Variants in C1QTNF1 observed in about 807,000 individuals in gnomAD.
The protein encoded by C1QTNF1 is C1q and TNF related 1, also known as complement C1q tumor necrosis factor-related protein 1.
A neutral mutation model predicts 27.8 loss-of-function variants in C1QTNF1; 22 were observed. That is an observed-to-expected ratio of 0.79 (90% confidence interval 0.56 to 1.13). The LOEUF is 1.13. C1QTNF1 is among the 50% of genes most tolerant of loss of function. The pLI is 0.00. For missense variants in C1QTNF1, 373 were observed against 380.2 expected, an observed-to-expected ratio of 0.98 and a Z score of 0.16; for synonymous variants, 166 against 154.3, an observed-to-expected ratio of 1.08 and a Z score of -0.56.
chr17:79,029,843 A>G (rs1296366505), intron 1 of C1QTNF1, among the ~76,000 whole-genome samples: 2 of 152,122 alleles, frequency 1.3e-5, no homozygotes, highest in East Asian at 3.9e-4. Flanking sequence ...GTCCTAACAC[A>G]TCCCATACCA....
chr17:79,029,336 C>G (rs561779216), intron 1 of C1QTNF1, among the ~76,000 whole-genome samples: 5 of 152,212 alleles, frequency 3.3e-5, no homozygotes, highest in Non-Finnish European at 7.3e-5. Flanking sequence ...GTCGGACACA[C>G]CTAGGTCTAA....
chr17:79,030,471 C>CTT (rs1555669976), intron 1 of C1QTNF1, among the ~76,000 whole-genome samples: 2 of 109,928 alleles, frequency 1.8e-5, no homozygotes, highest in Admixed American at 9.2e-5. Flanking sequence ...TTCTTTCTTT[C>CTT]TTTCTTTCTT....
At chr17:79,040,424 C>T (rs2072373561) in intron 1 of C1QTNF1, among the ~76,000 whole-genome samples, 2 of 151,530 alleles carry the variant, frequency 1.3e-5, no homozygotes, top group African/African-American at 4.8e-5. Flanking sequence ...AGAGTGAGAC[C>T]CTGTATCAAA....
intron 1 of C1QTNF1, chr17:79,043,400 T>C (rs1013407478): frequency 1.8e-4 from 81 of 451,378 alleles, no homozygotes; most frequent in Middle Eastern, 6.9e-4. Context: ...TGTATGTGCA[T>C]GTGAGTGTGA....
At chr17:79,042,177 A>G (rs1312408127) in intron 1 of C1QTNF1, among the ~76,000 whole-genome samples, 1 of 152,200 alleles carries the variant, frequency 6.6e-6, no homozygotes, top group East Asian at 1.9e-4. Context: ...GAGGGGTTAG[A>G]GTTGACCACA....
At chr17:79,035,325 G>A (rs1386071966) in intron 1 of C1QTNF1, among the ~76,000 whole-genome samples, 1 of 152,096 alleles carries the variant, frequency 6.6e-6, no homozygotes, top group East Asian at 1.9e-4. Context: ...GGAGGATTCT[G>A]GGGATGTTCC....
chr17:79,046,172 T>A lies in C1QTNF1; in HGVS notation c.156-383T>A, dbSNP rs1470076352. Among the ~76,000 whole-genome samples, 1 of 152,054 alleles carries A rather than the reference T, an allele frequency of 6.6e-6. No homozygotes were observed. The highest frequency in any genetic ancestry group is 1.5e-5 in the Non-Finnish European group (1 of 68,026). ...TAAAGATCCAGTTGAACCTTCTTAT[T>A]TGCAGACGAGTCAGCTTCATATGTT... On this transcript the variant is annotated intron_variant, in intron 2 of 3. Transcript: ENST00000579760. This position sits in a 1 kb window ranked among gnomAD's most constrained non-coding sequence, Gnocchi z 4.8.
intron 1 of C1QTNF1, among the ~76,000 whole-genome samples, chr17:79,025,226 T>C (rs116884050): frequency 0.075 from 11,405 of 152,238 alleles, 519 homozygotes; most frequent in Middle Eastern, 0.14. Flanking sequence ...CAGCCCTCCA[T>C]GGCTTCTCCA....
At chr17:79,044,568 T>C (rs2889531) in intron 2 of C1QTNF1, among the ~76,000 whole-genome samples, 58,934 of 152,054 alleles carry the variant, frequency 0.39, 12,732 homozygotes, top group East Asian at 0.69. Flanking sequence ...CCACGCGTCT[T>C]ATCACACTGC....
intron 1 of C1QTNF1, among the ~76,000 whole-genome samples, chr17:79,040,193 C>T (rs527472579): frequency 1.2e-4 from 18 of 152,274 alleles, no homozygotes; most frequent in Middle Eastern, 3.4e-3. Flanking sequence ...AAAATTATGG[C>T]GCCCACCTAT....
chr17:79,026,151 G>A (rs2377006), intron 1 of C1QTNF1, among the ~76,000 whole-genome samples: 4,432 of 151,758 alleles, frequency 0.029, 94 homozygotes, highest in Non-Finnish European at 0.042. Flanking sequence ...TCCCAAGTGC[G>A]TCATATGCTT....
At chr17:79,035,326 G>A (rs1382044442) in intron 1 of C1QTNF1, among the ~76,000 whole-genome samples, 1 of 152,096 alleles carries the variant, frequency 6.6e-6, no homozygotes, top group Admixed American at 6.5e-5. Context: ...GAGGATTCTG[G>A]GGATGTTCCA....
rs915866341 is a variant in C1QTNF1, at chr17:79,046,317, T to C, written c.156-238T>C. 2.0e-5 allele frequency among the ~76,000 whole-genome samples: 3 copies of C among 152,188 alleles called. No homozygotes were observed. The highest frequency in any genetic ancestry group is 4.4e-5 in the Non-Finnish European group (3 of 68,022). ...GCCCCCATCTTGCGTGGCACTCAAT[T>C]GATCGCTGCGTGTGTTTCCAGGACT... On this transcript the variant is annotated intron_variant, in intron 2 of 3. Coordinates refer to ENST00000579760, the MANE Select transcript of C1QTNF1 (RefSeq NM_030968.5). The surrounding 1 kb of genome is among the most constrained non-coding windows in gnomAD (Gnocchi z 4.8).
rs1196870123 is a variant in C1QTNF1, at chr17:79,043,956, G to A, written c.-13G>A. On this transcript the variant is annotated splice_region_variant and 5_prime_UTR_variant, in exon 2 of 4. Coordinates refer to ENST00000579760, the MANE Select transcript of C1QTNF1 (RefSeq NM_030968.5). ...CCCTGTGTGTTTCTTTCCCACCAGG[G>A]CCCGGCAGGAAGATGGGCTCCCGTG... The A allele has an allele frequency of 3.7e-6, 6 of 1,613,720 alleles. No individual in the cohort carries two copies. The Admixed American group carries it at 8.3e-5, about 22-fold the overall frequency.
chr17:79,042,372 C>A (rs570673546), intron 1 of C1QTNF1, among the ~76,000 whole-genome samples: 5 of 152,364 alleles, frequency 3.3e-5, no homozygotes, highest in African/African-American at 9.6e-5. Context: ...CCGTGAGCAC[C>A]CCTTTCTAGA....
At chr17:79,043,810 T>C (rs762175574) in intron 1 of C1QTNF1, 145 bp from the exon 2 acceptor site, 9 of 839,472 alleles carry the variant, frequency 1.1e-5, no homozygotes, top group Non-Finnish European at 1.8e-5. Context: ...TCCCAGAAGC[T>C]GTGTAACTGC....
At chr17:79,032,978 G>C (rs1018236017) in intron 1 of C1QTNF1, among the ~76,000 whole-genome samples, 1 of 150,802 alleles carries the variant, frequency 6.6e-6, no homozygotes, top group African/African-American at 2.4e-5. Context: ...TGAGGCAGGA[G>C]AATTGCTTGA....
At chr17:79,044,652 A>G (rs2072520032) in intron 2 of C1QTNF1, among the ~76,000 whole-genome samples, 1 of 152,088 alleles carries the variant, frequency 6.6e-6, no homozygotes, top group South Asian at 2.1e-4. Flanking sequence ...AGGACTCTGG[A>G]TGGCCTTCGT....
At chr17:79,040,230 C>A (rs1359655192) in intron 1 of C1QTNF1, among the ~76,000 whole-genome samples, 1 of 152,042 alleles carries the variant, frequency 6.6e-6, no homozygotes, top group African/African-American at 2.4e-5. Flanking sequence ...GAGGCCAAGG[C>A]AGGTGAATTG....
Sources: gnomAD v4.1 joint callset for allele counts (sites outside exome capture counted in the v4.1 genomes callset) on GRCh38, gnomAD v4.1.1 for gene constraint, Gnocchi (gnomAD v3.1) non-coding constraint, MANE v1.5 for transcripts, NCBI Gene and HGNC (gene_info 2026-07-23, HGNC 2026-07-21) for gene names.